The following CTNNA3 variants were observed in gnomAD, a reference collection of about 807,000 sequenced individuals.
CTNNA3 encodes catenin alpha-3.
In CTNNA3, 76 loss-of-function variants were observed where a neutral mutation model predicts 95.7. The observed-to-expected ratio is 0.79, with a 90% CI of 0.66 to 0.96. The LOEUF (loss-of-function observed/expected upper bound fraction) is 0.96. CTNNA3 is among the 40% of genes least tolerant of loss of function. The pLI is 0.00. For missense variants in CTNNA3, 1,191 were observed against 1,089.8 expected, an observed-to-expected ratio of 1.09 and a Z score of -1.31; for synonymous variants, 431 against 374.4, an observed-to-expected ratio of 1.15 and a Z score of -1.74.
chr10:65,981,625 G>A (rs1322055488), intron 16 of CTNNA3, among the ~76,000 whole-genome samples: 1 of 151,984 alleles, frequency 6.6e-6, no homozygotes, highest in East Asian at 1.9e-4. Flanking sequence ...CACCAAAACA[G>A]CATAGTACTG....
At chr10:67,167,383 C>T (rs1376789903) in intron 7 of CTNNA3, among the ~76,000 whole-genome samples, 2 of 152,130 alleles carry the variant, frequency 1.3e-5, no homozygotes, top group African/African-American at 4.8e-5. Context: ...GGGCTTCATA[C>T]AGCCTAGAAA....
intron 11 of CTNNA3, among the ~76,000 whole-genome samples, chr10:66,518,748 T>G (rs904573470): frequency 2.6e-5 from 4 of 151,762 alleles, no homozygotes; most frequent in Non-Finnish European, 5.9e-5. Flanking sequence ...ATTAGAAAAA[T>G]GGTGAAAGGA....
chr10:67,246,807 A>G (rs1865925641), intron 5 of CTNNA3, among the ~76,000 whole-genome samples: 1 of 152,146 alleles, frequency 6.6e-6, no homozygotes, highest in African/African-American at 2.4e-5. Flanking sequence ...AGGAAGACTC[A>G]GCTCTCTTCA....
rs117798067 is a variant in CTNNA3, at chr10:67,711,382, C to T, written c.-2+52052G>A. ...CTAGAAACTTGTTGAATGACTTTGA[C>T]CAAAATGATGATAATGATATGGACA... On this transcript the variant is annotated intron_variant, in intron 1 of 17. Transcript: ENST00000684154. Among the ~76,000 whole-genome samples, 5,027 of 152,046 alleles carry T rather than the reference C, an allele frequency of 0.033. 597 individuals are homozygous for T. The East Asian group carries it at 0.44, about 13-fold the overall frequency.
intron 14 of CTNNA3, among the ~76,000 whole-genome samples, chr10:66,087,171 C>A (rs10996886): frequency 0.38 from 57,917 of 151,712 alleles, 11,854 homozygotes; most frequent in South Asian, 0.53. Flanking sequence ...TCAAACCAAT[C>A]CCCTGGGCCC....
chr10:66,551,371 A>C (rs926585810), intron 10 of CTNNA3, among the ~76,000 whole-genome samples: 2 of 152,070 alleles, frequency 1.3e-5, no homozygotes, highest in African/African-American at 4.8e-5. Context: ...TATACGTATC[A>C]GTTTCCTCTA....
chr10:67,600,879 G>A (rs1283779824), intron 3 of CTNNA3, among the ~76,000 whole-genome samples: 1 of 152,182 alleles, frequency 6.6e-6, no homozygotes, highest in African/African-American at 2.4e-5. Context: ...ACTACATGGT[G>A]AGCTCTCACA....
chr10:66,315,183 AT>A (rs1178040308), intron 12 of CTNNA3, among the ~76,000 whole-genome samples: 2 of 151,734 alleles, frequency 1.3e-5, no homozygotes, highest in African/African-American at 4.8e-5. Context: ...ACTACAAATG[AT>A]TTTTAAGTAA....
intron 1 of CTNNA3, among the ~76,000 whole-genome samples, chr10:67,673,288 C>G (rs1327058447): frequency 6.7e-6 from 1 of 148,250 alleles, no homozygotes; most frequent in Non-Finnish European, 1.5e-5. Flanking sequence ...TCTAGATATA[C>G]AATCATGTCA....
At chr10:67,558,186 A>T (rs1841327770) in intron 3 of CTNNA3, among the ~76,000 whole-genome samples, 1 of 152,216 alleles carries the variant, frequency 6.6e-6, no homozygotes, top group African/African-American at 2.4e-5. Context: ...TCCCAGATGC[A>T]AGAAGAGCCT....
intron 10 of CTNNA3, among the ~76,000 whole-genome samples, chr10:66,554,642 G>A (rs1842336267): frequency 6.6e-6 from 1 of 151,948 alleles, no homozygotes. Context: ...CATTCACTGA[G>A]TTATCATTTT....
intron 7 of CTNNA3, among the ~76,000 whole-genome samples, chr10:67,040,997 G>T (rs1404600977): frequency 6.6e-6 from 1 of 151,838 alleles, no homozygotes; most frequent in Admixed American, 6.6e-5. Context: ...CTTTTTTTTA[G>T]ATTTAGAAAT....
At chr10:66,486,630 A>C (rs1035090484) in intron 11 of CTNNA3, among the ~76,000 whole-genome samples, 1 of 152,170 alleles carries the variant, frequency 6.6e-6, no homozygotes, top group Non-Finnish European at 1.5e-5. Context: ...GGAAAACAGT[A>C]TAGAAGTCAA....
chr10:65,993,870 G>T lies in CTNNA3; in HGVS notation c.2160-5073C>A, dbSNP rs1355109505. On this transcript the variant is annotated intron_variant, in intron 15 of 17. Coordinates refer to ENST00000433211, the MANE Select transcript of CTNNA3 (RefSeq NM_013266.4). ...CCTGCCTCAGCCTCCTGAGTAGCTG[G>T]GATTACAGGCATGTGCCACCATGCC... is the stretch of plus-strand genomic sequence containing the variant. Among the ~76,000 whole-genome samples, 3 of 152,056 alleles carry T rather than the reference G, an allele frequency of 2.0e-5. 1 individual carries two copies. The highest frequency in any genetic ancestry group is 4.4e-5 in the Non-Finnish European group (3 of 68,020).
chr10:66,553,676 C>T (rs756897364), intron 10 of CTNNA3, among the ~76,000 whole-genome samples: 15 of 151,026 alleles, frequency 9.9e-5, no homozygotes, highest in Non-Finnish European at 1.9e-4. Flanking sequence ...TACAGGTGAC[C>T]GCCACCACAC....
chr10:67,673,211 G>C (rs1442906750), intron 1 of CTNNA3, among the ~76,000 whole-genome samples: 34 of 150,102 alleles, frequency 2.3e-4, no homozygotes, highest in Admixed American at 6.0e-4. Context: ...CATTGATTTT[G>C]TATCCTGAGA....
At position 65,915,281 on chromosome 10, in the gene CTNNA3, T is replaced by C. The variant is rs771858034; in HGVS notation, c.*5049A>G. ...TAAATCATGCTCAAAATATGTGTAG[T>C]TCATCCTTTTGCCTTCGACACGACT... On this transcript the variant is annotated 3_prime_UTR_variant, in exon 18 of 18. Coordinates refer to ENST00000433211, the MANE Select transcript of CTNNA3 (RefSeq NM_013266.4). The C allele has an allele frequency of 6.6e-6, 1 of 151,912 alleles. No homozygotes were observed. The highest frequency in any genetic ancestry group is 1.5e-5 in the Non-Finnish European group (1 of 67,924). The allele number at this position is 151,912 out of a possible 1,614,324, so 9.4% of individuals were successfully genotyped here.
Position 65,966,603 on chromosome 10 carries a change from A to G in CTNNA3, c.2400+9T>C. ...ACCTGTGATCATGTAAGTGCTAGGC[A>G]GTACTCACAGCTGACATGATGAGCT... On this transcript the variant is annotated intron_variant, in intron 17 of 17. Coordinates refer to ENST00000433211, the MANE Select transcript of CTNNA3 (RefSeq NM_013266.4). The G allele has an allele frequency of 6.2e-7, 1 of 1,612,706 alleles. No homozygotes were observed. Among genetic ancestry groups the G allele is most frequent in the Non-Finnish European group, 8.5e-7 (1 of 1,179,024 alleles).
At chr10:67,470,642 AACACACAC>A (rs10695283) in intron 5 of CTNNA3, among the ~76,000 whole-genome samples, 1 of 148,610 alleles carries the variant, frequency 6.7e-6, no homozygotes, top group East Asian at 2.0e-4. Context: ...GCAAGTTTGC[AACACACAC>A]ACACACACAC....
Sources: allele counts gnomAD v4.1 joint callset (sites outside exome capture counted in the v4.1 genomes callset), GRCh38; gene constraint gnomAD v4.1.1; transcripts MANE v1.5; gene names NCBI Gene and HGNC (gene_info 2026-07-23, HGNC 2026-07-21).